The following SHLD1 variants were observed in gnomAD, a reference collection of about 807,000 sequenced individuals.
SHLD1 encodes RINN1-REV7-interacting novel NHEJ regulator 3.
Under a neutral mutation model 5.5 loss-of-function variants are expected in SHLD1, and 3 were observed. That is an observed-to-expected ratio of 0.54 (90% CI 0.25 to 1.40). The LOEUF is 1.40. SHLD1 is among the 40% of genes most tolerant of loss of function. The pLI is 0.15. For synonymous variants in SHLD1, 92 were observed against 94.3 expected, an observed-to-expected ratio of 0.98 and a Z score of 0.14; for missense variants, 210 against 244.4, an observed-to-expected ratio of 0.86 and a Z score of 0.94.
chr20:5,834,949 C>T (rs1236376957), intron 2 of SHLD1, among the ~76,000 whole-genome samples: 3 of 152,112 alleles, frequency 2.0e-5, no homozygotes, highest in African/African-American at 7.2e-5. Flanking sequence ...TCCTTCATGA[C>T]CTAATCATCT....
At chr20:5,766,681 G>A (rs1434034581) in intron 1 of SHLD1, among the ~76,000 whole-genome samples, 4 of 152,228 alleles carry the variant, frequency 2.6e-5, no homozygotes, top group South Asian at 2.1e-4. Context: ...ACAATGCCTG[G>A]CCTCTAACAA....
rs375697895 is a variant in SHLD1 at position 5,863,338 on chromosome 20, A to C, written c.493A>C (p.Arg165=). ...CTGCTCCGTCTTACAGAGGCATTCCAGGGACACCCACTTCTACCCACTGGA... is the reference window on the plus strand; with the variant it reads ...CTGCTCCGTCTTACAGAGGCATTCCCGGGACACCCACTTCTACCCACTGGA... ...DGCSVLQRHS[R]DTHFYPLEEG... Residue 165 remains arginine, a synonymous_variant, in exon 3 of 3, where the codon AGG becomes CGG. Transcript: ENST00000303142. 2.5e-6 allele frequency: 4 copies of C among 1,614,228 alleles called. No homozygotes were observed. Among genetic ancestry groups the C allele is most frequent in the East Asian group, 2.2e-5 (1 of 44,890 alleles).
At chr20:5,796,554 C>T (rs2087215386) in intron 2 of SHLD1, among the ~76,000 whole-genome samples, 1 of 152,030 alleles carries the variant, frequency 6.6e-6, no homozygotes, top group South Asian at 2.1e-4. Flanking sequence ...AGGCCGGGCG[C>T]AGTGGCTCAT....
At chr20:5,821,369 CG>C (rs1293079788) in intron 2 of SHLD1, among the ~76,000 whole-genome samples, 4 of 151,762 alleles carry the variant, frequency 2.6e-5, no homozygotes, top group Non-Finnish European at 4.4e-5. Flanking sequence ...AAAAATCAGC[CG>C]GGCGTGGTGG....
At chr20:5,834,034 G>A (rs1167496270) in intron 2 of SHLD1, among the ~76,000 whole-genome samples, 1 of 152,170 alleles carries the variant, frequency 6.6e-6, no homozygotes, top group Non-Finnish European at 1.5e-5. Flanking sequence ...ATTCCCTTCA[G>A]CTTTGTGACC....
intron 2 of SHLD1, among the ~76,000 whole-genome samples, chr20:5,814,488 G>A (rs946032913): frequency 2.6e-5 from 4 of 152,004 alleles, no homozygotes; most frequent in African/African-American, 7.2e-5. Flanking sequence ...AAATTCTTCT[G>A]AGCACAGTCC....
intron 2 of SHLD1, among the ~76,000 whole-genome samples, chr20:5,810,111 G>A (rs1198282952): frequency 2.0e-5 from 3 of 152,060 alleles, no homozygotes; most frequent in African/African-American, 7.2e-5. Flanking sequence ...ACAAAAATTA[G>A]CCAGGCGTGA....
intron 2 of SHLD1, among the ~76,000 whole-genome samples, chr20:5,831,775 T>C (rs1389491299): frequency 2.0e-5 from 3 of 152,160 alleles, no homozygotes; most frequent in Non-Finnish European, 4.4e-5. Context: ...ATGTTCATTG[T>C]AGAAGATTAG....
intron 2 of SHLD1, among the ~76,000 whole-genome samples, chr20:5,807,183 C>T (rs950990187): frequency 6.6e-6 from 1 of 152,018 alleles, no homozygotes; most frequent in Non-Finnish European, 1.5e-5. Flanking sequence ...ATTATATCAT[C>T]CTAATTAAAA....
intron 2 of SHLD1, among the ~76,000 whole-genome samples, chr20:5,852,493 C>T (rs2088024794): frequency 6.6e-6 from 1 of 151,238 alleles, no homozygotes; most frequent in African/African-American, 2.5e-5. Flanking sequence ...GAGTATTGCC[C>T]TGTCACCCAG....
At chr20:5,780,776 C>A (rs2122271344) in intron 2 of SHLD1, among the ~76,000 whole-genome samples, 1 of 152,282 alleles carries the variant, frequency 6.6e-6, no homozygotes, top group Non-Finnish European at 1.5e-5. Context: ...TCCTCATTCC[C>A]AGGCACATGG....
intron 2 of SHLD1, among the ~76,000 whole-genome samples, chr20:5,859,673 A>G (rs1264963191): frequency 6.6e-6 from 1 of 152,216 alleles, no homozygotes; most frequent in East Asian, 1.9e-4. Flanking sequence ...GAGGCTTTAT[A>G]GTTGGTAGTA....
At chr20:5,789,633 T>G (rs1401036091) in intron 2 of SHLD1, among the ~76,000 whole-genome samples, 1 of 151,412 alleles carries the variant, frequency 6.6e-6, no homozygotes, top group Non-Finnish European at 1.5e-5. Context: ...TTTTGGAACT[T>G]GTAATCTAAT....
intron 2 of SHLD1, among the ~76,000 whole-genome samples, chr20:5,854,148 G>A (rs956874419): frequency 2.6e-5 from 4 of 152,008 alleles, no homozygotes; most frequent in African/African-American, 9.7e-5. Context: ...TGAGATTACA[G>A]GCATGTTCTA....
At chr20:5,751,326 C>T (rs1365413687) in intron 1 of SHLD1, among the ~76,000 whole-genome samples, 1 of 151,914 alleles carries the variant, frequency 6.6e-6, no homozygotes, top group Non-Finnish European at 1.5e-5. Flanking sequence ...TAAACGGAGT[C>T]TCATGACTCT....
chr20:5,790,011 ACTTC>A lies in SHLD1; in HGVS notation c.178+16974_178+16977del, dbSNP rs566272963. The stretch of plus-strand genomic sequence containing the variant: ...AGTGCTCACCTTCAGAGGGCCTGGG[ACTTC>A]CTTCCCCTGCTGAGTGAGAGCTCTG... On this transcript the variant is annotated intron_variant, in intron 2 of 2. Coordinates refer to ENST00000303142, the MANE Select transcript of SHLD1 (RefSeq NM_152504.4). Among the ~76,000 whole-genome samples, 12 of 152,286 alleles carry A rather than the reference ACTTC, an allele frequency of 7.9e-5. No homozygotes were observed. The East Asian group carries it at 2.3e-3, about 29-fold the overall frequency.
intron 2 of SHLD1, among the ~76,000 whole-genome samples, chr20:5,814,257 C>G (rs900315141): frequency 3.9e-5 from 6 of 151,974 alleles, no homozygotes; most frequent in African/African-American, 1.5e-4. Flanking sequence ...CGCCCGACCC[C>G]TCAAAACACC....
intron 1 of SHLD1, among the ~76,000 whole-genome samples, chr20:5,751,309 C>CT (rs1983735873): frequency 6.6e-6 from 1 of 151,778 alleles, no homozygotes; most frequent in Non-Finnish European, 1.5e-5. Flanking sequence ...GACTTTTGTT[C>CT]TTTTTTTAAA....
At chr20:5,854,035 TG>T (rs1367852667) in intron 2 of SHLD1, among the ~76,000 whole-genome samples, 1 of 151,638 alleles carries the variant, frequency 6.6e-6, no homozygotes, top group Non-Finnish European at 1.5e-5. Context: ...GACAGAGTTT[TG>T]CTCTTGTTGC....
Sources: gnomAD v4.1 joint callset for allele counts (sites outside exome capture counted in the v4.1 genomes callset) on GRCh38, gnomAD v4.1.1 for gene constraint, MANE v1.5 for transcripts, NCBI Gene and HGNC (gene_info 2026-07-23, HGNC 2026-07-21) for gene names.